Variants in MAST4 observed in about 807,000 individuals in gnomAD.
MAST4 encodes the protein microtubule-associated serine/threonine-protein kinase 4.
MAST4 carries 89 observed loss-of-function variants against 162.7 expected under a neutral mutation model. That is an observed-to-expected ratio of 0.55 (90% CI 0.46 to 0.65). The LOEUF (loss-of-function observed/expected upper bound fraction) is 0.65. Among genes scored for constraint, MAST4 ranks in the 30% least tolerant of loss-of-function variants. MAST4 has a pLI of 0.00. For synonymous variants in MAST4, 1,479 were observed against 1,361.1 expected, an observed-to-expected ratio of 1.09 and a Z score of -1.91; for missense variants, 3,153 against 3,374.0, an observed-to-expected ratio of 0.93 and a Z score of 1.62.
At chr5:66,835,202 C>T (rs185712070) in intron 3 of MAST4, among the ~76,000 whole-genome samples, 1 of 152,212 alleles carries the variant, frequency 6.6e-6, no homozygotes, top group Admixed American at 6.5e-5. Context: ...TTATGTTGTG[C>T]CCTGTCTCTT....
chr5:66,716,379 G>T (rs990386059), intron 1 of MAST4, among the ~76,000 whole-genome samples: 2 of 152,012 alleles, frequency 1.3e-5, no homozygotes, highest in African/African-American at 4.8e-5. Flanking sequence ...TAGAGAGGGG[G>T]TCTTACTCGG....
chr5:66,765,718 G>A (rs1055943654), intron 2 of MAST4, among the ~76,000 whole-genome samples: 1 of 152,094 alleles, frequency 6.6e-6, no homozygotes, highest in Admixed American at 6.6e-5. Context: ...ATACAGAACA[G>A]TATAATGAAA....
chr5:66,702,125 C>A (rs1749818486), intron 1 of MAST4, among the ~76,000 whole-genome samples: 1 of 152,154 alleles, frequency 6.6e-6, no homozygotes, highest in African/African-American at 2.4e-5. Flanking sequence ...TTGATTGGCT[C>A]CTTGGCCCTT....
In MAST4 at chr5:66,873,521, C is replaced by T. The variant is rs569689894; in HGVS notation, c.643-26430C>T. 3.3e-4 allele frequency among the ~76,000 whole-genome samples: 51 copies of T among 152,274 alleles called. No individual in the cohort carries two copies. The South Asian group carries it at 5.4e-3, about 16-fold the overall frequency. ...GAACACTGATTTTATTGTGAGTCTA[C>T]GTTGAAGAAGTGTGTTCCGATAGAA... On this transcript the variant is annotated intron_variant, in intron 3 of 28. Transcript: ENST00000403625.
rs534985300 is a variant in MAST4 at position 66,940,796 on chromosome 5, G to T, written c.674+40814G>T. Among the ~76,000 whole-genome samples, 15 of 151,998 alleles carry T rather than the reference G, an allele frequency of 9.9e-5. No individual in the cohort carries two copies. In the South Asian group the frequency reaches 3.1e-3, roughly 32 times the overall value. On this transcript the variant is annotated intron_variant, in intron 4 of 28. Coordinates refer to ENST00000403625, the MANE Select transcript of MAST4 (RefSeq NM_001164664.2). ...TTTTAGAAGGTTTTCAATGTACTTTGCCCAGATCCATTAGAGGAATCATTA... is the reference window on the plus strand; with the variant it reads ...TTTTAGAAGGTTTTCAATGTACTTTTCCCAGATCCATTAGAGGAATCATTA...
chr5:66,907,591 TG>T (rs1763461492), intron 4 of MAST4, among the ~76,000 whole-genome samples: 1 of 7,980 alleles, frequency 1.3e-4, no homozygotes, highest in Admixed American at 2.2e-3. Flanking sequence ...TTGATGCGTG[TG>T]TGTGTGTGTG....
At chr5:66,932,945 G>T (rs758461488) in intron 4 of MAST4, among the ~76,000 whole-genome samples, 23 of 151,934 alleles carry the variant, frequency 1.5e-4, no homozygotes, top group Non-Finnish European at 3.2e-4. Flanking sequence ...TGGTTCTTTG[G>T]CATCTAGTAA....
chr5:66,763,734 C>T (rs181620402), intron 2 of MAST4, among the ~76,000 whole-genome samples: 114 of 152,216 alleles, frequency 7.5e-4, no homozygotes, highest in South Asian at 1.9e-3. Context: ...TGTATACAGA[C>T]GGTCCCCCAC....
At position 66,759,717 on chromosome 5, in the gene MAST4, C is replaced by G. The variant is rs1452168370; in HGVS notation, c.372C>G (p.His124Gln). ...TCTTCCTCTTTCTGCAGCTTGACCA[C>G]ATATTATCCCCTCCACCCATGCCGT... ...SQEEQDEELD[H>Q]ILSPPPMPFR... Residue 124 changes from histidine to glutamine, a missense_variant, in exon 2 of 29, where the codon CAC (histidine) becomes CAG (glutamine). Around this residue, in one of 7 missense-constraint regions of MAST4, gnomAD observed 327 missense variants for 336.5 expected, o/e 0.97. Transcript: ENST00000403625. The G allele has an allele frequency of 1.2e-6, 2 of 1,613,896 alleles. No homozygotes were observed. The highest frequency in any genetic ancestry group is 3.3e-5 in the Admixed American group (2 of 60,018).
intron 1 of MAST4, among the ~76,000 whole-genome samples, chr5:66,703,102 A>G (rs1173444227): frequency 1.3e-5 from 2 of 152,150 alleles, no homozygotes; most frequent in African/African-American, 4.8e-5. Flanking sequence ...CTGGCGTAGC[A>G]CTGCTAGTGC....
intron 3 of MAST4, among the ~76,000 whole-genome samples, chr5:66,887,517 A>G (rs918204141): frequency 1.2e-4 from 18 of 152,248 alleles, no homozygotes; most frequent in African/African-American, 4.3e-4. Context: ...ATTTGTTGGT[A>G]GAATGTCCAG....
At chr5:67,053,671 A>G (rs989750514) in intron 4 of MAST4, among the ~76,000 whole-genome samples, 1 of 152,192 alleles carries the variant, frequency 6.6e-6, no homozygotes, top group South Asian at 2.1e-4. Flanking sequence ...TTGAAATCAA[A>G]TTAGCCATTT....
intron 3 of MAST4, among the ~76,000 whole-genome samples, chr5:66,819,013 C>G (rs532748121): frequency 6.6e-5 from 10 of 152,246 alleles, no homozygotes; most frequent in Non-Finnish European, 1.5e-4. Flanking sequence ...TGCTAGAAGA[C>G]GGAGTTAATG....
Position 66,758,390 on chromosome 5 carries a change from G to C in MAST4, c.364-1319G>C, listed in dbSNP as rs77772304. On this transcript the variant is annotated intron_variant, in intron 1 of 28. Coordinates refer to ENST00000403625, the MANE Select transcript of MAST4 (RefSeq NM_001164664.2). ...TAGAACTATTATTATTAAATAAATA[G>C]AAATAAATATTTCTATTTATTTAAT... 3.9e-3 allele frequency among the ~76,000 whole-genome samples: 589 copies of C among 151,338 alleles called. 4 individuals carry two copies. The highest frequency in any genetic ancestry group is 0.013 in the African/African-American group (559 of 41,434).
In MAST4 at chr5:67,090,218, T is replaced by C. The variant is rs767358421; in HGVS notation, c.820T>C (p.Ser274Pro). 6.2e-7 allele frequency: 1 copy of C among 1,612,678 alleles called. No homozygotes were observed. The highest frequency in any genetic ancestry group is 8.5e-7 in the Non-Finnish European group (1 of 1,179,078). Reference sequence around the variant, plus strand: ...CTCCCCCAGTGCCTCAGCCCATTTTTCATTTGCACGGAGGTAAGGACTTTT... The same window carrying C: ...CTCCCCCAGTGCCTCAGCCCATTTTCCATTTGCACGGAGGTAAGGACTTTT... ...NFSPSASAHF[S>P]FARRTDGRRW... Residue 274 changes from serine to proline, a missense_variant, in exon 6 of 29, where the codon TCA becomes CCA. Physicochemically the swap from Ser to Pro is moderately conservative, Grantham distance 74. This residue lies in a region of MAST4 where 360 missense variants were observed against 450.0 expected (regional missense o/e 0.80). Transcript: ENST00000403625.
intron 3 of MAST4, among the ~76,000 whole-genome samples, chr5:66,861,904 T>C (rs1250755350): frequency 6.6e-6 from 1 of 152,218 alleles, no homozygotes; most frequent in Non-Finnish European, 1.5e-5. Context: ...AGTGTTGTAA[T>C]GATGATTGGT....
At chr5:67,064,785 C>T (rs999231444) in intron 5 of MAST4, among the ~76,000 whole-genome samples, 2 of 152,078 alleles carry the variant, frequency 1.3e-5, no homozygotes, top group South Asian at 2.1e-4. Flanking sequence ...GACAGAAAAT[C>T]GACATTGGGA....
intron 3 of MAST4, among the ~76,000 whole-genome samples, chr5:66,817,444 G>A (rs914330524): frequency 6.6e-6 from 1 of 152,134 alleles, no homozygotes; most frequent in Admixed American, 6.5e-5. Context: ...AGTCACAAAA[G>A]CCAGCTTTAG....
At chr5:66,929,331 C>T (rs954788919) in intron 4 of MAST4, among the ~76,000 whole-genome samples, 3 of 152,086 alleles carry the variant, frequency 2.0e-5, no homozygotes, top group Admixed American at 2.0e-4. Flanking sequence ...ATCACCTTTC[C>T]TCAGTCTTTT....
Sources: allele counts gnomAD v4.1 joint callset (sites outside exome capture counted in the v4.1 genomes callset), GRCh38; gene constraint gnomAD v4.1.1; regional missense constraint gnomAD v4.1.1; transcripts MANE v1.5; gene names NCBI Gene and HGNC (gene_info 2026-07-23, HGNC 2026-07-21).